CDHR2: variants seen among roughly 807,000 people sequenced by gnomAD.
CDHR2 encodes cadherin related family member 2.
In CDHR2, 104 loss-of-function variants were observed where a neutral mutation model predicts 138.6. The observed-to-expected ratio is 0.75, with a 90% CI of 0.64 to 0.88. CDHR2 has a LOEUF of 0.88. Among genes scored for constraint, CDHR2 ranks in the 40% least tolerant of loss-of-function variants. The pLI is 0.00. For synonymous variants in CDHR2, 755 were observed against 742.8 expected (o/e 1.02, Z -0.27); for missense variants, 1,624 against 1,727.6 (o/e 0.94, Z 1.06).
At chr5:176,572,268 A>G (rs994421414) in intron 6 of CDHR2, among the ~76,000 whole-genome samples, 3 of 151,912 alleles carry the variant, frequency 2.0e-5, no homozygotes, top group African/African-American at 7.2e-5. Flanking sequence ...CATGCCTGTA[A>G]TCCCAGCTAC....
rs190640327 is a variant in CDHR2, at chr5:176,564,279, G to A, written c.-15-1059G>A. Among the ~76,000 whole-genome samples the A allele has an allele frequency of 7.8e-4, 118 of 152,202 alleles. 1 individual carries two copies. The East Asian group carries it at 0.021, about 27-fold the overall frequency. Reference sequence around the variant, plus strand: ...CATCTCACTGCAACTTCCGCCTCCCGGATTCAAGCAATTCTCCTGCCTCAG... The same window carrying A: ...CATCTCACTGCAACTTCCGCCTCCCAGATTCAAGCAATTCTCCTGCCTCAG... On this transcript the variant is annotated intron_variant, in intron 1 of 31. Transcript: ENST00000261944.
chr5:176,584,528 G>T lies in CDHR2; in HGVS notation c.2247G>T (p.Leu749=), dbSNP rs1287887749. The T allele has an allele frequency of 1.2e-6, 2 of 1,613,366 alleles. No homozygotes were observed. The highest frequency in any genetic ancestry group is 2.7e-5 in the African/African-American group (2 of 74,926). Reference sequence around the variant, plus strand: ...ACTTCATGATCCGAGGCTTGGTGCTGGGGGCTGGGTGGGCTGAGGGCTACC... The same window carrying T: ...ACTTCATGATCCGAGGCTTGGTGCTTGGGGCTGGGTGGGCTGAGGGCTACC... ...ANYFMIRGLV[L]GAGWAEGYLR... Residue 749 remains leucine (L), a synonymous_variant, in exon 19 of 32, where the codon CTG becomes CTT. Transcript: ENST00000261944.
Position 176,584,882 on chromosome 5 carries a change from A to G in CDHR2, c.2601A>G (p.Ser867=). Residue 867 remains serine, a synonymous_variant, in exon 19 of 32, where the codon TCA becomes TCG. Transcript: ENST00000261944. The part of the protein sequence containing the change: ...DVGSLCWGWF[S]VAANGSVYIN... ...GCAGCCTATGCTGGGGCTGGTTCTC[A>G]GTGGCGGCCAACGGCTCTGTGTACA... 1 of 1,614,086 alleles carries G rather than the reference A, an allele frequency of 6.2e-7. No homozygotes were observed. Among genetic ancestry groups the G allele is most frequent in the Non-Finnish European group, 8.5e-7 (1 of 1,179,976 alleles).
chr5:176,593,229 A>G (rs2113338486), intron 31 of CDHR2, among the ~76,000 whole-genome samples: 1 of 152,058 alleles, frequency 6.6e-6, no homozygotes, highest in Admixed American at 6.5e-5. Context: ...CAGTACCGCC[A>G]TCTGTTAAAC....
At chr5:176,590,744 C>G in intron 28 of CDHR2, 57 bp downstream of exon 28, 2 of 1,608,330 alleles carry the variant, frequency 1.2e-6, no homozygotes, top group Non-Finnish European at 1.7e-6. Flanking sequence ...CCACCCAAGA[C>G]GTCGGGGGGT....
At position 176,565,759 on chromosome 5, in the gene CDHR2, T is replaced by A. The variant is rs376614155; in HGVS notation, c.124+16T>A. Reference sequence around the variant, plus strand: ...CTGCCTGTGGGTGAGTCCCGGTCCCTGTGTCTGCCCCATGTCAGGTCCTGA... The same window carrying A: ...CTGCCTGTGGGTGAGTCCCGGTCCCAGTGTCTGCCCCATGTCAGGTCCTGA... On this transcript the variant is annotated intron_variant, in intron 3 of 31. Transcript: ENST00000261944. 6.2e-7 allele frequency: 1 copy of A among 1,608,118 alleles called. No individual in the cohort carries two copies. Among genetic ancestry groups the A allele is most frequent in the Admixed American group, 1.7e-5 (1 of 59,772 alleles).
intron 3 of CDHR2, among the ~76,000 whole-genome samples, chr5:176,566,212 T>C (rs370496677): frequency 4.1e-4 from 62 of 152,274 alleles, no homozygotes; most frequent in African/African-American, 1.4e-3. Flanking sequence ...GCAGGTGAGA[T>C]GGGTTTTGAG....
rs1757506236 is a variant in CDHR2 at position 176,543,460 on chromosome 5, C to T, written c.-16+691C>T. 1 of 151,954 alleles carries T rather than the reference C, an allele frequency of 6.6e-6. No individual in the cohort carries two copies. Among genetic ancestry groups the T allele is most frequent in the African/African-American group, 2.4e-5 (1 of 41,400 alleles). 9.4% of individuals were successfully genotyped at this position (151,954 alleles called of 1,614,324 possible). On this transcript the variant is annotated intron_variant, in intron 1 of 31. Coordinates refer to the CDHR2 transcript ENST00000510636. The surrounding 1 kb of genome is among the most constrained non-coding windows in gnomAD (Gnocchi z 4.0). ...CTGCGCAGCTTCCAGGACCCCCGCC[C>T]CGGCCCCGCGCGAATGGAGCTGCCT...
chr5:176,583,588 T>C (rs922636519), intron 17 of CDHR2, among the ~76,000 whole-genome samples: 2 of 152,152 alleles, frequency 1.3e-5, no homozygotes, highest in Admixed American at 6.5e-5. Context: ...GTTGCAGGGC[T>C]CCAGCTGTGC....
chr5:176,588,543 G>A (rs892543941), intron 21 of CDHR2, among the ~76,000 whole-genome samples: 3 of 151,262 alleles, frequency 2.0e-5, no homozygotes, highest in Non-Finnish European at 4.4e-5. Context: ...TAGGGTGAGT[G>A]AGTGTATGTG....
chr5:176,592,137 G>T (rs1758881613), intron 30 of CDHR2, among the ~76,000 whole-genome samples: 1 of 132,242 alleles, frequency 7.6e-6, no homozygotes, highest in Non-Finnish European at 1.7e-5. Flanking sequence ...TGATGGTGGT[G>T]ATGATGGTGA....
chr5:176,572,420 A>T (rs993800090), intron 6 of CDHR2, among the ~76,000 whole-genome samples: 1 of 151,216 alleles, frequency 6.6e-6, no homozygotes, highest in African/African-American at 2.4e-5. Flanking sequence ...TAAATAATAA[A>T]AAAATTAAAA....
At chr5:176,570,908 G>A (rs934464261) in intron 5 of CDHR2, among the ~76,000 whole-genome samples, 4 of 150,406 alleles carry the variant, frequency 2.7e-5, no homozygotes, top group Admixed American at 1.3e-4. Flanking sequence ...ATGAGATCAC[G>A]CCATTGTACT....
At chr5:176,545,599 ACAGGC>A (rs1313192125), upstream of CDHR2, among the ~76,000 whole-genome samples, 1 of 152,210 alleles carries the variant, frequency 6.6e-6, no homozygotes, top group East Asian at 1.9e-4. Flanking sequence ...ACTCCTTAGA[ACAGGC>A]CTATGAGGTG....
At chr5:176,588,151 A>C (rs1344295467) in intron 21 of CDHR2, among the ~76,000 whole-genome samples, 1 of 152,154 alleles carries the variant, frequency 6.6e-6, no homozygotes, top group Non-Finnish European at 1.5e-5. Flanking sequence ...GAAATGAGGG[A>C]TCCCAGGGGA....
chr5:176,595,764 C>T lies in CDHR2; in HGVS notation c.*92C>T, dbSNP rs1436048981. 2.4e-6 allele frequency: 3 copies of T among 1,240,326 alleles called. No individual in the cohort carries two copies. The Admixed American group carries it at 8.2e-5, about 34-fold the overall frequency. 76.8% of individuals were successfully genotyped at this position (1,240,326 alleles called of 1,614,324 possible). A position where few individuals can be genotyped will look rare whatever the true frequency, so the allele number is the denominator to read the frequency against. ...TGGAGATGAAAATATATGACGCTGC[C>T]CTGCCTCCTGCTTTTGGCCAATCAC... On this transcript the variant is annotated 3_prime_UTR_variant, in exon 32 of 32. Coordinates refer to ENST00000261944, the MANE Select transcript of CDHR2 (RefSeq NM_017675.6).
chr5:176,551,884 T>TGGGG (rs35127166), intron 1 of CDHR2, among the ~76,000 whole-genome samples: 8 of 147,872 alleles, frequency 5.4e-5, no homozygotes, highest in South Asian at 4.2e-4. Context: ...TTTTTTTTTT[T>TGGGG]GGGGAACTTT....
At chr5:176,545,073 A>C (rs551093042), upstream of CDHR2, among the ~76,000 whole-genome samples, 1 of 152,322 alleles carries the variant, frequency 6.6e-6, no homozygotes, top group Admixed American at 6.5e-5. Flanking sequence ...CAGTGGGTGC[A>C]CATAGCAGAG....
Position 176,589,556 on chromosome 5 carries a change from C to G in CDHR2, c.3146C>G (p.Ser1049Trp), listed in dbSNP as rs760362597. Residue 1049 changes from serine (S) to tryptophan (W), a missense_variant, in exon 24 of 32, where the codon TCG becomes TGG. By Grantham distance (177) the Ser-to-Trp change is radical. Around this residue, in one of 3 missense-constraint regions of CDHR2, gnomAD observed 556 missense variants for 565.7 expected, o/e 0.98. Transcript: ENST00000261944. ...NLFTVDQSYR[S>W]RLQFSTPKEE... ...TTCACCGTGGACCAGAGTTACCGCT[C>G]GCGGCTGCAGTTCTCCACACCGAAG... The G allele has an allele frequency of 1.2e-6, 2 of 1,613,944 alleles. No individual in the cohort carries two copies. The highest frequency in any genetic ancestry group is 1.7e-6 in the Non-Finnish European group (2 of 1,180,026).
Sources: gnomAD v4.1 joint callset for allele counts (sites outside exome capture counted in the v4.1 genomes callset) on GRCh38, gnomAD v4.1.1 for gene constraint, gnomAD v4.1.1 regional missense constraint, Gnocchi (gnomAD v3.1) non-coding constraint, MANE v1.5 for transcripts, NCBI Gene and HGNC (gene_info 2026-07-23, HGNC 2026-07-21) for gene names.